CORO7: variants seen among roughly 807,000 people sequenced by gnomAD.
CORO7 encodes the protein coronin-7.
In CORO7, 107 loss-of-function variants were observed where a neutral mutation model predicts 126.6. The observed-to-expected ratio is 0.85, with a 90% CI of 0.72 to 0.99. The LOEUF (loss-of-function observed/expected upper bound fraction) is 0.99. Ranked by LOEUF, CORO7 falls within the 50% of genes least tolerant of loss-of-function variation. The pLI is 0.00. For synonymous variants in CORO7, 603 were observed against 536.8 expected (o/e 1.12, Z -1.70); for missense variants, 1,314 against 1,255.8 (o/e 1.05, Z -0.70).
In CORO7 at chr16:4,367,632, C is replaced by A. The variant is rs555576620; in HGVS notation, c.786-2087G>T. The stretch of plus-strand genomic sequence containing the variant: ...GCAGTGGGGGAAGGGGTGATCCCTG[C>A]GATCCCAAGGTCATGCAGAAATCAA... On this transcript the variant is annotated intron_variant, in intron 9 of 27. Transcript: ENST00000251166. 1.1e-4 allele frequency among the ~76,000 whole-genome samples: 16 copies of A among 152,218 alleles called. No homozygotes were observed. The East Asian group carries it at 2.9e-3, about 28-fold the overall frequency.
At chr16:4,376,085 C>T (rs1237713863) in intron 9 of CORO7, among the ~76,000 whole-genome samples, 2 of 152,160 alleles carry the variant, frequency 1.3e-5, no homozygotes, top group Non-Finnish European at 2.9e-5. Context: ...GCCAGGGGTC[C>T]CCGCGCCTAT....
chr16:4,408,049 C>A (rs2056070723), intron 4 of CORO7, 132 bp downstream of exon 4: 1 of 1,380,064 alleles, frequency 7.2e-7, no homozygotes, highest in African/African-American at 1.4e-5. Context: ...TCAGACCAGC[C>A]CCGCAGCCCT....
At chr16:4,386,444 A>T (rs1298104) in intron 9 of CORO7, among the ~76,000 whole-genome samples, 1 of 152,262 alleles carries the variant, frequency 6.6e-6, no homozygotes, top group South Asian at 2.1e-4. Flanking sequence ...AAATGCCTCC[A>T]CTGGGGGCCC....
At chr16:4,400,373 C>T (rs927024753) in intron 6 of CORO7, among the ~76,000 whole-genome samples, 5 of 152,194 alleles carry the variant, frequency 3.3e-5, no homozygotes, top group African/African-American at 1.2e-4. Context: ...GTGGCTCACA[C>T]CTGTAATCCC....
At chr16:4,375,277 G>C (rs2054678535) in intron 9 of CORO7, among the ~76,000 whole-genome samples, 1 of 152,198 alleles carries the variant, frequency 6.6e-6, no homozygotes, top group South Asian at 2.1e-4. Flanking sequence ...GGAGGGAGGA[G>C]GGAAGACCCT....
chr16:4,355,458 G>A, intron 26 of CORO7, 86 bp from the exon 27 acceptor site: 1 of 1,381,738 alleles, frequency 7.2e-7, no homozygotes, highest in Non-Finnish European at 9.7e-7. Flanking sequence ...TGACAAGGCT[G>A]TGAAAAGAAC....
chr16:4,358,961 G>T (rs1270739020), intron 23 of CORO7: 5 of 377,570 alleles, frequency 1.3e-5, no homozygotes, highest in Middle Eastern at 7.1e-4. Context: ...TTGTTTTGTA[G>T]AGATGGGGTC....
chr16:4,382,864 C>T, intron 9 of CORO7: 1 of 1,567,928 alleles, frequency 6.4e-7, no homozygotes, highest in Non-Finnish European at 8.6e-7. Flanking sequence ...AGGGCCTGGC[C>T]TCCAGTCACC....
In CORO7 at chr16:4,359,399, G is replaced by A. The variant is rs971451141; in HGVS notation, c.2251-14C>T. ...ACGGGTGTCGCCCTGCGGGGAAGAA[G>A]GCAGGCTGGGAACCCTCCGGCAACA... On this transcript the variant is annotated splice_polypyrimidine_tract_variant and intron_variant, in intron 22 of 27. Transcript: ENST00000251166. 1.2e-6 allele frequency: 2 copies of A among 1,613,474 alleles called. 1 individual carries two copies. Among genetic ancestry groups the A allele is most frequent in the Non-Finnish European group, 1.7e-6 (2 of 1,179,970 alleles).
chr16:4,405,578 G>A lies in CORO7; in HGVS notation c.488-11C>T, dbSNP rs2055968089. ...CATGGGCTGCCAGCTCTGCAGAGAA[G>A]CAGTCACAGTCAGGTCCCGGGCAGT... On this transcript the variant is annotated splice_polypyrimidine_tract_variant and intron_variant, in intron 5 of 27. Transcript: ENST00000251166. The A allele has an allele frequency of 6.2e-7, 1 of 1,611,938 alleles. No individual in the cohort carries two copies. The highest frequency in any genetic ancestry group is 8.5e-7 in the Non-Finnish European group (1 of 1,179,596).
chr16:4,396,488 T>C (rs2141286679), intron 6 of CORO7, among the ~76,000 whole-genome samples: 1 of 152,308 alleles, frequency 6.6e-6, no homozygotes, highest in East Asian at 1.9e-4. Flanking sequence ...ATCCTGTTTG[T>C]TTTTATTGAT....
intron 9 of CORO7, among the ~76,000 whole-genome samples, chr16:4,377,735 CTG>C (rs2054793352): frequency 6.6e-6 from 1 of 152,222 alleles, no homozygotes; most frequent in Non-Finnish European, 1.5e-5. Context: ...CTTACAAACT[CTG>C]GGGTTTTCCA....
chr16:4,404,699 G>C (rs1270631792), intron 6 of CORO7, among the ~76,000 whole-genome samples: 1 of 151,868 alleles, frequency 6.6e-6, no homozygotes, highest in Non-Finnish European at 1.5e-5. Flanking sequence ...CCTCAGGACC[G>C]CCACGCCTCC....
At chr16:4,356,866 C>A in intron 26 of CORO7, 1 of 438,026 alleles carries the variant, frequency 2.3e-6, no homozygotes, top group Non-Finnish European at 4.2e-6. Flanking sequence ...GCTACTATCT[C>A]TGCACATGGC....
At position 4,364,345 on chromosome 16, in the gene CORO7, A is replaced by G. The variant is rs776359030; in HGVS notation, c.1206T>C (p.Pro402=). 1.3e-6 allele frequency: 2 copies of G among 1,528,426 alleles called. No homozygotes were observed. The highest frequency in any genetic ancestry group is 4.5e-5 in the East Asian group (2 of 43,964). The allele number at this position is 1,528,426 out of a possible 1,614,324, so 94.7% of individuals were successfully genotyped here. A position where few individuals can be genotyped will look rare whatever the true frequency, so the allele number is the denominator to read the frequency against. The change falls in exon 14 of 28, where the codon CCT becomes CCC. Residue 402 remains proline, a synonymous_variant. Coordinates refer to ENST00000251166, the MANE Select transcript of CORO7 (RefSeq NM_024535.5). The stretch of plus-strand genomic sequence containing the variant: ...GGGCTGTGTCAGGGAGGGGCTCCGC[A>G]GGGGGCACCAGACAGGAAGTGAAGC... ...HPSFTSCLVP[P]AEPLPDTAQP...
chr16:4,391,108 A>G (rs950164280), intron 7 of CORO7, among the ~76,000 whole-genome samples: 7 of 152,142 alleles, frequency 4.6e-5, no homozygotes, highest in Non-Finnish European at 8.8e-5. Context: ...CTCCTCATCA[A>G]TGGAGTGATC....
intron 19 of CORO7, 141 bp downstream of exon 19, chr16:4,360,802 A>G: frequency 1.6e-6 from 2 of 1,260,006 alleles, no homozygotes; most frequent in Admixed American, 3.2e-5. Flanking sequence ...CCCTCTCCTC[A>G]CTGCTGGCCC....
intron 3 of CORO7, among the ~76,000 whole-genome samples, chr16:4,408,456 G>A (rs1282480510): frequency 6.6e-6 from 1 of 152,176 alleles, no homozygotes; most frequent in East Asian, 1.9e-4. Context: ...ACCCAGGGTG[G>A]CCAAGGGCTC....
At chr16:4,365,936 C>T (rs1450496581) in intron 9 of CORO7, among the ~76,000 whole-genome samples, 1 of 152,172 alleles carries the variant, frequency 6.6e-6, no homozygotes, top group Non-Finnish European at 1.5e-5. Flanking sequence ...AGGCCGGAGG[C>T]GAGGAGCCTC....
Sources: gnomAD v4.1 joint callset for allele counts (sites outside exome capture counted in the v4.1 genomes callset) on GRCh38, gnomAD v4.1.1 for gene constraint, MANE v1.5 for transcripts, NCBI Gene and HGNC (gene_info 2026-07-23, HGNC 2026-07-21) for gene names.